The following SHISA9 variants were observed in gnomAD, a reference collection of about 807,000 sequenced individuals.
SHISA9 encodes protein shisa-9.
SHISA9 carries 13 observed loss-of-function variants against 38.0 expected under a neutral mutation model. That is an observed-to-expected ratio of 0.34 (90% CI 0.22 to 0.54). SHISA9 has a LOEUF of 0.54. Among genes scored for constraint, SHISA9 ranks in the 20% least tolerant of loss-of-function variants. The pLI is 0.91. For synonymous variants in SHISA9, 275 were observed against 242.0 expected, an observed-to-expected ratio of 1.14 and a Z score of -1.27; for missense variants, 538 against 575.8, an observed-to-expected ratio of 0.93 and a Z score of 0.67.
At chr16:13,508,235 C>CA in the SHISA9 span, among the ~76,000 whole-genome samples, 1 of 152,160 alleles carries the variant, frequency 6.6e-6, no homozygotes, top group South Asian at 2.1e-4. Context: ...TTCCACTTGA[C>CA]ATTCTATAAT....
chr16:13,015,894 C>CTTTCT (rs1555454832), intron 2 of SHISA9, among the ~76,000 whole-genome samples: 1 of 126,224 alleles, frequency 7.9e-6, no homozygotes, highest in East Asian at 2.3e-4. Context: ...TTCTTTCTTT[C>CTTTCT]TTTCTTTCTT....
chr16:13,449,974 G>A, the SHISA9 span, among the ~76,000 whole-genome samples: 6,898 of 152,138 alleles, frequency 0.045, 310 homozygotes, highest in East Asian at 0.21. Context: ...AAAAATAGCA[G>A]TGTGTGGTGG....
At chr16:13,335,580 G>A in the SHISA9 span, among the ~76,000 whole-genome samples, 1 of 152,174 alleles carries the variant, frequency 6.6e-6, no homozygotes, top group Non-Finnish European at 1.5e-5. Flanking sequence ...GACAGGTCAT[G>A]CAACTGTCAT....
the SHISA9 span, among the ~76,000 whole-genome samples, chr16:13,367,093 G>T: frequency 6.6e-6 from 1 of 151,020 alleles, no homozygotes; most frequent in Non-Finnish European, 1.5e-5. Context: ...AAAATCATTT[G>T]TCAAACCAGT....
chr16:13,458,985 G>T, the SHISA9 span, among the ~76,000 whole-genome samples: 1 of 151,142 alleles, frequency 6.6e-6, no homozygotes, highest in East Asian at 2.0e-4. Context: ...CTCCTGCCTC[G>T]GCCTCCCAAG....
At chr16:13,031,324 G>T (rs1255300320) in intron 2 of SHISA9, among the ~76,000 whole-genome samples, 2 of 152,174 alleles carry the variant, frequency 1.3e-5, no homozygotes, top group Non-Finnish European at 2.9e-5. Flanking sequence ...AACTGAACGA[G>T]CTCTGTTGCC....
chr16:13,431,227 A>T, the SHISA9 span, among the ~76,000 whole-genome samples: 1 of 152,164 alleles, frequency 6.6e-6, no homozygotes, highest in African/African-American at 2.4e-5. Context: ...TTTTTCTCCA[A>T]CTAAATGGTG....
At chr16:13,539,308 ATATATATATAAAGACAGGATCTT>A in the SHISA9 span, among the ~76,000 whole-genome samples, 10 of 52,604 alleles carry the variant, frequency 1.9e-4, 1 homozygote, top group East Asian at 9.5e-3. Context: ...TTTTACATAT[ATATATATATAAAGACAGGATCTT>A]TATATATATA....
intron 2 of SHISA9, among the ~76,000 whole-genome samples, chr16:13,032,085 C>T (rs981599516): frequency 1.3e-5 from 2 of 151,850 alleles, no homozygotes; most frequent in African/African-American, 4.8e-5. Flanking sequence ...TATACGTGTG[C>T]CATGGTTGTT....
intron 2 of SHISA9, among the ~76,000 whole-genome samples, chr16:12,965,077 C>G (rs991118196): frequency 3.3e-5 from 5 of 151,956 alleles, no homozygotes; most frequent in Admixed American, 3.3e-4. Flanking sequence ...ATATACCTTT[C>G]CTTCAGGAAA....
the SHISA9 span, among the ~76,000 whole-genome samples, chr16:13,545,658 C>T: frequency 6.6e-6 from 1 of 152,198 alleles, no homozygotes; most frequent in African/African-American, 2.4e-5. Flanking sequence ...CGTCCCCTGG[C>T]AGGAGCCAGC....
At chr16:13,327,524 G>A in the SHISA9 span, among the ~76,000 whole-genome samples, 1 of 151,950 alleles carries the variant, frequency 6.6e-6, no homozygotes, top group African/African-American at 2.4e-5. Flanking sequence ...ACTGAGGCAG[G>A]AGAATCACTT....
At chr16:12,992,761 G>A (rs1004233229) in intron 2 of SHISA9, among the ~76,000 whole-genome samples, 9 of 151,998 alleles carry the variant, frequency 5.9e-5, no homozygotes, top group Admixed American at 1.3e-4. Context: ...TTTTGCTTTC[G>A]GAAAATGACA....
At chr16:13,029,892 C>G (rs923168642) in intron 2 of SHISA9, among the ~76,000 whole-genome samples, 2 of 152,184 alleles carry the variant, frequency 1.3e-5, no homozygotes, top group Non-Finnish European at 2.9e-5. Flanking sequence ...AGGGTCAAAT[C>G]TCAGCTCTGC....
intron 2 of SHISA9, among the ~76,000 whole-genome samples, chr16:12,923,968 C>T (rs901914765): frequency 6.6e-6 from 1 of 152,118 alleles, no homozygotes; most frequent in African/African-American, 2.4e-5. Context: ...ATATTTGAGT[C>T]TCAGGAGGGG....
At chr16:13,302,430 C>A in the SHISA9 span, among the ~76,000 whole-genome samples, 1 of 152,218 alleles carries the variant, frequency 6.6e-6, no homozygotes. Flanking sequence ...AGCCTGATGC[C>A]CCAGGAGGAA....
chr16:13,270,653 A>G, the SHISA9 span, among the ~76,000 whole-genome samples: 2 of 152,238 alleles, frequency 1.3e-5, no homozygotes, highest in Admixed American at 6.5e-5. Context: ...TATTGGTTGT[A>G]TGACCTTGCC....
intron 2 of SHISA9, among the ~76,000 whole-genome samples, chr16:12,969,565 T>C (rs932946544): frequency 2.0e-5 from 3 of 151,882 alleles, no homozygotes; most frequent in Admixed American, 6.6e-5. Flanking sequence ...GGTAACATGG[T>C]GAAACTCTGT....
chr16:13,152,657 C>G (rs1387487250), intron 2 of SHISA9, among the ~76,000 whole-genome samples: 3 of 152,116 alleles, frequency 2.0e-5, no homozygotes, highest in Non-Finnish European at 2.9e-5. Context: ...GGTCACATGT[C>G]CAGTCATGTG....
Sources: gnomAD v4.1 joint callset for allele counts (sites outside exome capture counted in the v4.1 genomes callset) on GRCh38, gnomAD v4.1.1 for gene constraint, MANE v1.5 for transcripts, NCBI Gene and HGNC (gene_info 2026-07-23, HGNC 2026-07-21) for gene names.